Variants in YPEL2 observed in about 807,000 individuals in gnomAD.
YPEL2 encodes the protein protein yippee-like 2.
Under a neutral mutation model 19.1 loss-of-function variants are expected in YPEL2, and 2 were observed. The ratio of observed to expected loss-of-function variants is 0.10; its 90% CI spans 0.04 to 0.33. The LOEUF (loss-of-function observed/expected upper bound fraction) is 0.33, where lower values mean the gene tolerates loss of function less well. YPEL2 is among the 10% of genes least tolerant of loss of function. The probability of loss-of-function intolerance (pLI) is 1.00; values close to 1 mark genes in which losing one functional copy is unlikely to be tolerated. For missense variants in YPEL2, 66 were observed against 140.7 expected, an observed-to-expected ratio of 0.47 and a Z score of 2.68; for synonymous variants, 52 against 50.0, an observed-to-expected ratio of 1.04 and a Z score of -0.17.
intron 2 of YPEL2, among the ~76,000 whole-genome samples, chr17:59,368,909 G>C (rs1598041463): frequency 6.6e-6 from 1 of 152,178 alleles, no homozygotes; most frequent in Non-Finnish European, 1.5e-5. Context: ...GGAGTAGTGG[G>C]CATTGATAAC....
intron 2 of YPEL2, among the ~76,000 whole-genome samples, chr17:59,387,758 C>T (rs943835974): frequency 6.6e-6 from 1 of 152,236 alleles, no homozygotes; most frequent in African/African-American, 2.4e-5. Flanking sequence ...AAAAGAGCTC[C>T]TGTGCTCCCA....
chr17:59,378,392 T>TG (rs1035233024), intron 2 of YPEL2, among the ~76,000 whole-genome samples: 1 of 151,490 alleles, frequency 6.6e-6, no homozygotes, highest in African/African-American at 2.4e-5. Context: ...TCACCCAGGT[T>TG]GGAGTGCAGT....
chr17:59,334,887 G>A (rs1301198329), intron 1 of YPEL2, among the ~76,000 whole-genome samples: 2 of 151,836 alleles, frequency 1.3e-5, no homozygotes, highest in African/African-American at 4.8e-5. Flanking sequence ...AGCAACAAAA[G>A]GATGGCAAGG....
At chr17:59,376,882 G>A (rs972470962) in intron 2 of YPEL2, among the ~76,000 whole-genome samples, 2 of 131,716 alleles carry the variant, frequency 1.5e-5, no homozygotes, top group Non-Finnish European at 3.1e-5. Flanking sequence ...CTGGGAGGCA[G>A]AAGTTGCAGT....
chr17:59,339,251 G>A (rs71372884), intron 1 of YPEL2, among the ~76,000 whole-genome samples: 7,551 of 152,196 alleles, frequency 0.05, 309 homozygotes, highest in South Asian at 0.15. Flanking sequence ...TACGTTAATG[G>A]TATGAACGTG....
chr17:59,395,026 C>A (rs977374407), intron 4 of YPEL2, among the ~76,000 whole-genome samples: 1 of 152,170 alleles, frequency 6.6e-6, no homozygotes, highest in Non-Finnish European at 1.5e-5. Context: ...TGCAGTGAGT[C>A]GAGATGGCAT....
intron 2 of YPEL2, among the ~76,000 whole-genome samples, chr17:59,362,154 G>A (rs1036254291): frequency 6.6e-6 from 1 of 152,162 alleles, no homozygotes; most frequent in African/African-American, 2.4e-5. Flanking sequence ...ACTAGAATGG[G>A]GCAAGTGGTG....
intron 2 of YPEL2, among the ~76,000 whole-genome samples, chr17:59,385,295 C>A (rs917953188): frequency 6.6e-6 from 1 of 152,168 alleles, no homozygotes; most frequent in African/African-American, 2.4e-5. Context: ...CTAGACTGGA[C>A]GCAGTGACTC....
intron 2 of YPEL2, among the ~76,000 whole-genome samples, chr17:59,378,107 G>A (rs767247512): frequency 1.3e-5 from 2 of 151,988 alleles, no homozygotes; most frequent in Non-Finnish European, 2.9e-5. Context: ...CTCCAAAGCC[G>A]GCATCCTTTC....
chr17:59,332,639 C>T (rs1408188702), intron 1 of YPEL2, among the ~76,000 whole-genome samples: 1 of 152,170 alleles, frequency 6.6e-6, no homozygotes, highest in Non-Finnish European at 1.5e-5. Flanking sequence ...GTGGGGGACA[C>T]CTGTTCTTCT....
intron 2 of YPEL2, among the ~76,000 whole-genome samples, chr17:59,357,690 T>A (rs1310368787): frequency 6.6e-6 from 1 of 152,218 alleles, no homozygotes; most frequent in Non-Finnish European, 1.5e-5. Flanking sequence ...CATAATCTAT[T>A]ATGGAAACCT....
At chr17:59,370,444 CAT>C (rs1337044429) in intron 2 of YPEL2, among the ~76,000 whole-genome samples, 2 of 152,126 alleles carry the variant, frequency 1.3e-5, no homozygotes, top group Non-Finnish European at 2.9e-5. Context: ...AACGGTCTGT[CAT>C]ATATTCTGGT....
At chr17:59,336,353 C>A (rs1296936959) in intron 1 of YPEL2, among the ~76,000 whole-genome samples, 2 of 152,142 alleles carry the variant, frequency 1.3e-5, no homozygotes, top group African/African-American at 4.8e-5. Context: ...CAACTCTTAC[C>A]TACCCCAGTA....
intron 1 of YPEL2, among the ~76,000 whole-genome samples, chr17:59,349,764 G>A (rs1402536099): frequency 6.6e-6 from 1 of 152,042 alleles, no homozygotes; most frequent in African/African-American, 2.4e-5. Context: ...AGGTTCAGGC[G>A]ATTCTCCTGC....
At chr17:59,372,964 C>T (rs1160100513) in intron 2 of YPEL2, among the ~76,000 whole-genome samples, 2 of 152,194 alleles carry the variant, frequency 1.3e-5, no homozygotes, top group Non-Finnish European at 2.9e-5. Flanking sequence ...ACCTCTGCCT[C>T]CCAGGCTCAA....
chr17:59,401,234 T>A lies in YPEL2; in HGVS notation c.*4044T>A, dbSNP rs2048069574. The A allele has an allele frequency of 6.6e-6, 1 of 152,136 alleles. No individual in the cohort carries two copies. The highest frequency in any genetic ancestry group is 1.5e-5 in the Non-Finnish European group (1 of 68,024). 9.4% of individuals were successfully genotyped at this position (152,136 alleles called of 1,614,324 possible). ...AAATCAAATCTTGAACACAATCAAC[T>A]TACATATTTTAAAGGAATCTGCCTC... On this transcript the variant is annotated 3_prime_UTR_variant, in exon 5 of 5. Transcript: ENST00000312655.
At chr17:59,382,732 G>A (rs2147953996) in intron 2 of YPEL2, among the ~76,000 whole-genome samples, 1 of 152,280 alleles carries the variant, frequency 6.6e-6, no homozygotes, top group South Asian at 2.1e-4. Flanking sequence ...ACTTTCTGAT[G>A]CAGTAATTCA....
intron 2 of YPEL2, among the ~76,000 whole-genome samples, chr17:59,379,215 C>A (rs2047936819): frequency 6.6e-6 from 1 of 152,190 alleles, no homozygotes; most frequent in South Asian, 2.1e-4. Flanking sequence ...TTTATCATCA[C>A]CCCTCTCACT....
At chr17:59,346,555 G>C (rs2047757528) in intron 1 of YPEL2, among the ~76,000 whole-genome samples, 2 of 152,132 alleles carry the variant, frequency 1.3e-5, no homozygotes, top group African/African-American at 4.8e-5. Flanking sequence ...TATCACATGT[G>C]CTACCTGTGC....
Sources: allele counts gnomAD v4.1 joint callset (sites outside exome capture counted in the v4.1 genomes callset), GRCh38; gene constraint gnomAD v4.1.1; transcripts MANE v1.5; gene names NCBI Gene and HGNC (gene_info 2026-07-23, HGNC 2026-07-21).